Variants in TMEM178B observed in about 807,000 individuals in gnomAD.
The protein encoded by TMEM178B is transmembrane protein 178B.
Under a neutral mutation model 31.0 loss-of-function variants are expected in TMEM178B, and 5 were observed. The ratio of observed to expected loss-of-function variants is 0.16; its 90% confidence interval spans 0.08 to 0.34. The LOEUF (loss-of-function observed/expected upper bound fraction) is 0.34, where lower values mean the gene tolerates loss of function less well. TMEM178B is among the 10% of genes least tolerant of loss of function. The probability of loss-of-function intolerance (pLI) is 1.00; values close to 1 mark genes in which losing one functional copy is unlikely to be tolerated. For missense variants in TMEM178B, 275 were observed against 400.3 expected, an observed-to-expected ratio of 0.69 and a Z score of 2.67; for synonymous variants, 164 against 164.0, an observed-to-expected ratio of 1.00 and a Z score of 0.00.
At chr7:141,191,423 T>C (rs1382308996) in intron 1 of TMEM178B, among the ~76,000 whole-genome samples, 1 of 152,230 alleles carries the variant, frequency 6.6e-6, no homozygotes, top group Non-Finnish European at 1.5e-5. Context: ...TCCTGATGGA[T>C]TGCCCTCTAG....
At chr7:141,247,761 A>G (rs188450725) in intron 2 of TMEM178B, among the ~76,000 whole-genome samples, 15 of 152,338 alleles carry the variant, frequency 9.8e-5, no homozygotes, top group African/African-American at 3.6e-4. Flanking sequence ...TTACATTTGC[A>G]TTGCAGGTAA....
chr7:141,129,840 A>G (rs1563095359), intron 1 of TMEM178B, among the ~76,000 whole-genome samples: 1 of 152,166 alleles, frequency 6.6e-6, no homozygotes, highest in Non-Finnish European at 1.5e-5. Context: ...AGGATAATTC[A>G]AAGGGTGAGG....
At chr7:141,447,459 A>G (rs576691480) in intron 3 of TMEM178B, among the ~76,000 whole-genome samples, 17 of 152,048 alleles carry the variant, frequency 1.1e-4, no homozygotes, top group Non-Finnish European at 2.5e-4. Flanking sequence ...GAGCAGAATG[A>G]GACAGAGATG....
the TMEM178B span, among the ~76,000 whole-genome samples, chr7:141,486,094 T>A: frequency 6.6e-6 from 1 of 152,230 alleles, no homozygotes; most frequent in East Asian, 1.9e-4. Flanking sequence ...TCATACCTTT[T>A]GTAACAACAT....
At chr7:141,300,370 T>C (rs1219335538) in intron 2 of TMEM178B, among the ~76,000 whole-genome samples, 1 of 152,106 alleles carries the variant, frequency 6.6e-6, no homozygotes, top group Non-Finnish European at 1.5e-5. Context: ...GATCAAGCAA[T>C]GGTAGTCCTC....
At chr7:141,172,403 G>C (rs978592482) in intron 1 of TMEM178B, among the ~76,000 whole-genome samples, 2 of 152,162 alleles carry the variant, frequency 1.3e-5, no homozygotes, top group African/African-American at 4.8e-5. Context: ...TTGAATGTAA[G>C]CTGAAAGTTA....
intron 1 of TMEM178B, among the ~76,000 whole-genome samples, chr7:141,188,455 C>G (rs985951945): frequency 6.6e-6 from 1 of 152,198 alleles, no homozygotes. Context: ...TGCAAATACT[C>G]AACTTGCGTA....
In TMEM178B at chr7:141,206,427, T is replaced by G. The variant is rs533861771; in HGVS notation, c.383-6164T>G. On this transcript the variant is annotated intron_variant, in intron 1 of 3. Transcript: ENST00000565468. ...TTTTGTCTGCCTTTCCAACCTGGCC[T>G]CTGTCTTCTGCACCTGCTCTGAGCT... Among the ~76,000 whole-genome samples the G allele has an allele frequency of 8.3e-4, 126 of 152,304 alleles. 1 individual carries two copies. The highest frequency in any genetic ancestry group is 3.0e-3 in the African/African-American group (125 of 41,566).
At chr7:141,127,694 A>G (rs1360329033) in intron 1 of TMEM178B, among the ~76,000 whole-genome samples, 1 of 152,170 alleles carries the variant, frequency 6.6e-6, no homozygotes, top group East Asian at 1.9e-4. Context: ...TGTTGTTTGA[A>G]GTCACCCAGT....
chr7:141,466,679 A>G (rs1802153048), intron 3 of TMEM178B, among the ~76,000 whole-genome samples: 1 of 152,166 alleles, frequency 6.6e-6, no homozygotes, highest in African/African-American at 2.4e-5. Context: ...AATTTATGAG[A>G]TGATGACTCA....
At chr7:141,204,789 CT>C (rs1001747473) in intron 1 of TMEM178B, among the ~76,000 whole-genome samples, 1 of 152,140 alleles carries the variant, frequency 6.6e-6, no homozygotes, top group Non-Finnish European at 1.5e-5. Context: ...CCTATGTGCC[CT>C]TTGCTGTGCG....
chr7:141,285,080 G>T (rs217008), intron 2 of TMEM178B, among the ~76,000 whole-genome samples: 72,801 of 143,968 alleles, frequency 0.51, 18,450 homozygotes, highest in Admixed American at 0.55. Flanking sequence ...AACTACATAC[G>T]TTATTTGGAT....
At chr7:141,468,075 A>G (rs766517753) in intron 3 of TMEM178B, among the ~76,000 whole-genome samples, 5 of 152,042 alleles carry the variant, frequency 3.3e-5, no homozygotes, top group African/African-American at 4.8e-5. Flanking sequence ...GGTTATTGGT[A>G]AAATTGACCA....
intron 2 of TMEM178B, among the ~76,000 whole-genome samples, chr7:141,421,301 T>C (rs1025839850): frequency 2.6e-5 from 4 of 152,244 alleles, no homozygotes; most frequent in African/African-American, 9.6e-5. Flanking sequence ...CTCTCACATT[T>C]CCACTTTGTA....
chr7:141,169,102 C>T (rs1796305684), intron 1 of TMEM178B, among the ~76,000 whole-genome samples: 1 of 152,084 alleles, frequency 6.6e-6, no homozygotes, highest in Non-Finnish European at 1.5e-5. Flanking sequence ...TATAGGTAAA[C>T]TTGTGTCATG....
intron 1 of TMEM178B, among the ~76,000 whole-genome samples, chr7:141,161,365 G>A (rs759287616): frequency 4.0e-4 from 61 of 152,240 alleles, no homozygotes; most frequent in Middle Eastern, 6.8e-3. Context: ...AAGGCTCGAC[G>A]GGAAGGCTCT....
At chr7:141,158,459 A>G (rs1460329607) in intron 1 of TMEM178B, among the ~76,000 whole-genome samples, 2 of 152,174 alleles carry the variant, frequency 1.3e-5, no homozygotes, top group African/African-American at 4.8e-5. Flanking sequence ...TGTCTGATCA[A>G]TGTCTGTATC....
chr7:141,439,441 A>C (rs1289448382), intron 3 of TMEM178B, among the ~76,000 whole-genome samples: 4 of 152,048 alleles, frequency 2.6e-5, no homozygotes, highest in South Asian at 2.1e-4. Context: ...AAAACCAGGC[A>C]TGCTTCCCTG....
intron 1 of TMEM178B, among the ~76,000 whole-genome samples, chr7:141,094,063 T>C (rs1425847668): frequency 6.6e-6 from 1 of 152,152 alleles, no homozygotes; most frequent in Non-Finnish European, 1.5e-5. Flanking sequence ...AGTTGTAGGC[T>C]GATGGGAATG....
Sources: allele counts gnomAD v4.1 joint callset (sites outside exome capture counted in the v4.1 genomes callset), GRCh38; gene constraint gnomAD v4.1.1; transcripts MANE v1.5; gene names NCBI Gene and HGNC (gene_info 2026-07-23, HGNC 2026-07-21).